RANBP2: variants seen among roughly 807,000 people sequenced by gnomAD.
The protein encoded by RANBP2 is RAN binding protein 2, also known as E3 SUMO-protein ligase RanBP2.
In RANBP2, 57 loss-of-function variants were observed where a neutral mutation model predicts 303.6. The ratio of observed to expected loss-of-function variants is 0.19; its 90% CI spans 0.15 to 0.23. The LOEUF (loss-of-function observed/expected upper bound fraction) is 0.23, where lower values mean the gene tolerates loss of function less well. RANBP2 is among the 10% of genes least tolerant of loss of function. The pLI, the probability that RANBP2 is intolerant of heterozygous loss-of-function variation, is 1.00. For synonymous variants in RANBP2, 1,167 were observed against 1,301.5 expected (o/e 0.90, Z 2.23); for missense variants, 3,138 against 3,780.8 (o/e 0.83, Z 4.46).
At chr2:109,282,355 A>C in the RANBP2 span, among the ~76,000 whole-genome samples, 1 of 152,152 alleles carries the variant, frequency 6.6e-6, no homozygotes, top group Non-Finnish European at 1.5e-5. Flanking sequence ...AATCTACCCC[A>C]GGGGAAAAGT....
the RANBP2 span, among the ~76,000 whole-genome samples, chr2:109,117,365 C>T: frequency 6.6e-6 from 1 of 152,246 alleles, no homozygotes; most frequent in Non-Finnish European, 1.5e-5. Context: ...AGCCTCACTG[C>T]CGCCTTGCAG....
chr2:108,883,848 T>C, the RANBP2 span: 7 of 152,254 alleles, frequency 4.6e-5, no homozygotes, highest in Admixed American at 4.6e-4. Flanking sequence ...TTACGCACCT[T>C]GAGGGTGTCA....
chr2:109,475,555 C>T, the RANBP2 span, among the ~76,000 whole-genome samples: 1,542 of 152,316 alleles, frequency 0.01, 33 homozygotes, highest in African/African-American at 0.035. Context: ...GGACATATGC[C>T]ACAGAGGCTG....
At chr2:109,179,001 TAA>T in the RANBP2 span, among the ~76,000 whole-genome samples, 15,998 of 65,246 alleles carry the variant, frequency 0.25, 941 homozygotes, top group South Asian at 0.35. Flanking sequence ...TAAAGTATAA[TAA>T]TGTGTGTGTG....
chr2:109,710,281 C>T, the RANBP2 span, among the ~76,000 whole-genome samples: 2 of 151,266 alleles, frequency 1.3e-5, no homozygotes, highest in African/African-American at 4.9e-5. Flanking sequence ...ACTCGGGAGG[C>T]TGAGGTGGGA....
At chr2:109,611,327 G>A in the RANBP2 span, among the ~76,000 whole-genome samples, 1 of 152,114 alleles carries the variant, frequency 6.6e-6, no homozygotes, top group Admixed American at 6.5e-5. Context: ...AGGAAATAAT[G>A]ATAAATTTCA....
At chr2:109,520,895 GCATTC>G in the RANBP2 span, among the ~76,000 whole-genome samples, 2 of 96,668 alleles carry the variant, frequency 2.1e-5, no homozygotes, top group Non-Finnish European at 5.5e-5. Flanking sequence ...TCGCGCCACT[GCATTC>G]TATCTAGCCT....
the RANBP2 span, among the ~76,000 whole-genome samples, chr2:109,273,878 G>A: frequency 4.6e-5 from 7 of 152,092 alleles, no homozygotes; most frequent in African/African-American, 1.7e-4. Flanking sequence ...AAACAAGTAG[G>A]CTGCTAGATG....
At chr2:109,487,801 A>G in the RANBP2 span, among the ~76,000 whole-genome samples, 1 of 152,130 alleles carries the variant, frequency 6.6e-6, no homozygotes. Context: ...CGACGGGCCC[A>G]AGAGCCCTCA....
the RANBP2 span, among the ~76,000 whole-genome samples, chr2:108,950,833 C>T: frequency 2.6e-5 from 4 of 152,222 alleles, no homozygotes; most frequent in African/African-American, 9.6e-5. Context: ...ACAGGGATGG[C>T]CCTACAGAGC....
the RANBP2 span, among the ~76,000 whole-genome samples, chr2:109,309,984 G>A: frequency 8.0e-6 from 1 of 125,666 alleles, no homozygotes; most frequent in Admixed American, 7.8e-5. Flanking sequence ...CTCTGCACCA[G>A]GTGGACCTAA....
chr2:109,460,893 T>TC, the RANBP2 span, among the ~76,000 whole-genome samples: 6 of 152,210 alleles, frequency 3.9e-5, no homozygotes, highest in Non-Finnish European at 8.8e-5. Flanking sequence ...TTCACTGCTG[T>TC]CCCTCAGGGA....
At chr2:108,879,529 A>T in the RANBP2 span, among the ~76,000 whole-genome samples, 1 of 152,236 alleles carries the variant, frequency 6.6e-6, no homozygotes, top group Non-Finnish European at 1.5e-5. Flanking sequence ...TGCATATGAC[A>T]GAAACATTAA....
At chr2:108,752,957 C>A (rs373617658) in intron 12 of RANBP2, 41 bp from the exon 13 acceptor site, 6 of 1,605,152 alleles carry the variant, frequency 3.7e-6, no homozygotes, top group African/African-American at 2.7e-5. Context: ...TCTAATCATG[C>A]GTGTTCCTTA....
the RANBP2 span, among the ~76,000 whole-genome samples, chr2:109,466,981 A>C: frequency 2.0e-5 from 3 of 152,068 alleles, no homozygotes; most frequent in Non-Finnish European, 4.4e-5. Context: ...ATGTCTTCAT[A>C]CTCTGTGAAA....
chr2:109,658,333 GCT>G, the RANBP2 span, among the ~76,000 whole-genome samples: 12 of 151,656 alleles, frequency 7.9e-5, no homozygotes, highest in African/African-American at 2.7e-4. Context: ...TGTAATCCCA[GCT>G]ACTCGAGAGG....
At chr2:108,903,453 A>G in the RANBP2 span, among the ~76,000 whole-genome samples, 2 of 152,324 alleles carry the variant, frequency 1.3e-5, no homozygotes, top group South Asian at 4.1e-4. Flanking sequence ...AAAAAAATAA[A>G]GGAAAATGGG....
chr2:109,378,538 G>C, the RANBP2 span, among the ~76,000 whole-genome samples: 66 of 152,156 alleles, frequency 4.3e-4, no homozygotes, highest in African/African-American at 1.5e-3. Context: ...ATTTTCAGCT[G>C]GTTACTGACT....
At chr2:108,950,177 T>C in the RANBP2 span, among the ~76,000 whole-genome samples, 1 of 152,100 alleles carries the variant, frequency 6.6e-6, no homozygotes, top group Non-Finnish European at 1.5e-5. Flanking sequence ...AGATGTCATG[T>C]CTTTTTTCTC....
Sources: gnomAD v4.1 joint callset for allele counts (sites outside exome capture counted in the v4.1 genomes callset) on GRCh38, gnomAD v4.1.1 for gene constraint, MANE v1.5 for transcripts, NCBI Gene and HGNC (gene_info 2026-07-23, HGNC 2026-07-21) for gene names.